CACNA1A: variants seen among roughly 807,000 people sequenced by gnomAD.
CACNA1A encodes the protein voltage-dependent P/Q-type calcium channel subunit alpha-1A.
Under a neutral mutation model 262.4 loss-of-function variants are expected in CACNA1A, and 57 were observed. The observed-to-expected ratio is 0.22, with a 90% CI of 0.18 to 0.27. The LOEUF (loss-of-function observed/expected upper bound fraction) is 0.27, where lower values mean the gene tolerates loss of function less well. Ranked by LOEUF, CACNA1A falls within the 10% of genes least tolerant of loss-of-function variation. CACNA1A has a pLI of 1.00. For missense variants in CACNA1A, 2,526 were observed against 3,562.8 expected (o/e 0.71, Z 7.41); for synonymous variants, 1,431 against 1,419.3 (o/e 1.01, Z -0.18).
intron 30 of CACNA1A, among the ~76,000 whole-genome samples, chr19:13,246,079 G>A (rs1411277014): frequency 6.6e-6 from 1 of 152,242 alleles, no homozygotes; most frequent in African/African-American, 2.4e-5. Flanking sequence ...CACAGTCTGT[G>A]TTCAGGTCCC....
rs1262968195 is a variant in CACNA1A, at chr19:13,234,365, A to G, written c.5249+556T>C. ...ACTCCATCTCCAAAAAAAAAAAAAA[A>G]AAAAAAAAAAGCCCCCCCAAAAAAC... On this transcript the variant is annotated intron_variant, in intron 34 of 46. Transcript: ENST00000360228. Among the ~76,000 whole-genome samples, 236 of 143,236 alleles carry G rather than the reference A, an allele frequency of 1.6e-3. 2 individuals are homozygous for G. Among genetic ancestry groups the G allele is most frequent in the African/African-American group, 5.5e-3 (212 of 38,750 alleles). 94.0% of individuals were successfully genotyped at this position (143,236 alleles called of 152,430 possible).
Position 13,214,118 on chromosome 19 carries a change from A to G in CACNA1A, c.5940+115T>C, listed in dbSNP as rs999583665. The stretch of plus-strand genomic sequence containing the variant: ...GTGTGAGCTGCTGTGCACAGCCCCT[A>G]CTTTTCAGGGACCTGCCCTGGGGCT... On this transcript the variant is annotated intron_variant, in intron 40 of 46. Transcript: ENST00000360228. This position sits in a 1 kb window ranked among gnomAD's most constrained non-coding sequence, Gnocchi z 4.1. 2 of 782,740 alleles carry G rather than the reference A, an allele frequency of 2.6e-6. No homozygotes were observed. The highest frequency in any genetic ancestry group is 2.3e-4 in the Middle Eastern group (1 of 4,262). 48.5% of individuals were successfully genotyped at this position (782,740 alleles called of 1,614,324 possible).
At chr19:13,341,901 C>T (rs1450942243) in intron 6 of CACNA1A, among the ~76,000 whole-genome samples, 1 of 152,122 alleles carries the variant, frequency 6.6e-6, no homozygotes, top group African/African-American at 2.4e-5. Flanking sequence ...GTATTCCCAG[C>T]CCCCTAGGAC....
rs74400041 is a variant in CACNA1A, at chr19:13,496,479, G to C, written c.293+9453C>G. On this transcript the variant is annotated intron_variant, in intron 1 of 46. Coordinates refer to ENST00000360228, the MANE Select transcript of CACNA1A (RefSeq NM_001127222.2). ...CATAACAAATGAGAGAAAAAGATTA[G>C]AAACATGGAAGAAGGATTGCTGAGA... 3.1e-4 allele frequency among the ~76,000 whole-genome samples: 47 copies of C among 152,262 alleles called. No homozygotes were observed. In the East Asian group the frequency reaches 7.5e-3, roughly 24 times the overall value.
intron 3 of CACNA1A, among the ~76,000 whole-genome samples, chr19:13,422,199 T>A (rs1258808023): frequency 6.6e-6 from 1 of 152,152 alleles, no homozygotes; most frequent in East Asian, 1.9e-4. Flanking sequence ...CATGCACCTG[T>A]GGGCTCAGCT....
intron 1 of CACNA1A, among the ~76,000 whole-genome samples, chr19:13,492,074 G>C (rs565696871): frequency 6.6e-6 from 1 of 152,246 alleles, no homozygotes; most frequent in South Asian, 2.1e-4. Context: ...GGGGCTAAGT[G>C]ATTTGCCTAA....
At chr19:13,228,632 T>C in intron 36 of CACNA1A, 1 of 435,512 alleles carries the variant, frequency 2.3e-6, no homozygotes. Flanking sequence ...ATATGAAATA[T>C]ATATATTGAA....
chr19:13,380,732 GGTTTGTTT>G (rs576457560), intron 3 of CACNA1A, among the ~76,000 whole-genome samples: 52 of 136,854 alleles, frequency 3.8e-4, no homozygotes, highest in African/African-American at 7.1e-4. Flanking sequence ...TTCATTTATT[GGTTTGTTT>G]GTTTGTTTGT....
chr19:13,486,925 CCT>C lies in CACNA1A; in HGVS notation c.293+19005_293+19006del, dbSNP rs539676601. Among the ~76,000 whole-genome samples, 237 of 152,246 alleles carry C rather than the reference CCT, an allele frequency of 1.6e-3. 1 individual carries two copies. Among genetic ancestry groups the C allele is most frequent in the African/African-American group, 5.4e-3 (226 of 41,536 alleles). ...TCTTCCTTCTTCCCTACACACGCAG[CCT>C]CTCTTTCTTTTAACACTTATTTATC... On this transcript the variant is annotated intron_variant, in intron 1 of 46. Transcript: ENST00000360228.
chr19:13,397,037 A>G (rs2059822811), intron 3 of CACNA1A, among the ~76,000 whole-genome samples: 1 of 152,032 alleles, frequency 6.6e-6, no homozygotes, highest in Non-Finnish European at 1.5e-5. Context: ...ACCTGTTCCT[A>G]TCTCTTTAAG....
chr19:13,327,556 A>C (rs1252709963), intron 10 of CACNA1A, among the ~76,000 whole-genome samples: 2 of 150,638 alleles, frequency 1.3e-5, no homozygotes, highest in African/African-American at 4.9e-5. Context: ...AAAAATATAT[A>C]TACATATATA....
intron 19 of CACNA1A, among the ~76,000 whole-genome samples, chr19:13,291,933 C>T (rs1246141685): frequency 6.6e-6 from 1 of 152,126 alleles, no homozygotes; most frequent in Admixed American, 6.6e-5. Context: ...TCTTCCTGTT[C>T]CTTTTGGGGA....
intron 3 of CACNA1A, among the ~76,000 whole-genome samples, chr19:13,434,422 GTGTC>G (rs1471444817): frequency 1.3e-5 from 2 of 152,174 alleles, no homozygotes; most frequent in African/African-American, 4.8e-5. Context: ...CTTTGGATCT[GTGTC>G]TGTCCGCAAC....
chr19:13,250,870 G>A (rs1392980983), intron 30 of CACNA1A, among the ~76,000 whole-genome samples: 1 of 152,122 alleles, frequency 6.6e-6, no homozygotes, highest in African/African-American at 2.4e-5. Flanking sequence ...AGTGTCTCAT[G>A]CCTGTAATCC....
At position 13,310,108 on chromosome 19, in the gene CACNA1A, G is replaced by A. The variant is rs182797232; in HGVS notation, c.1669-1580C>T. Among the ~76,000 whole-genome samples the A allele has an allele frequency of 2.4e-3, 358 of 152,086 alleles. 1 individual carries two copies. The highest frequency in any genetic ancestry group is 8.3e-3 in the African/African-American group (345 of 41,488). ...TTGTGTTTGGTTTCTTTTACCGAGC[G>A]TTGTGTTTTCAAGGTCCTCGCCTTT... is the stretch of plus-strand genomic sequence containing the variant. On this transcript the variant is annotated intron_variant, in intron 12 of 46. Transcript: ENST00000360228.
At chr19:13,318,376 G>A (rs2058171778) in intron 10 of CACNA1A, among the ~76,000 whole-genome samples, 1 of 152,166 alleles carries the variant, frequency 6.6e-6, no homozygotes, top group East Asian at 1.9e-4. Flanking sequence ...AAAAGAGGAA[G>A]GTGGTGAAGG....
chr19:13,297,769 C>T, intron 19 of CACNA1A, among the ~76,000 whole-genome samples: 1 of 151,784 alleles, frequency 6.6e-6, no homozygotes, highest in East Asian at 1.9e-4. Context: ...GCTATGACTG[C>T]CACTGCACTC....
At chr19:13,502,487 C>G (rs909274467) in intron 1 of CACNA1A, among the ~76,000 whole-genome samples, 1 of 152,124 alleles carries the variant, frequency 6.6e-6, no homozygotes, top group Non-Finnish European at 1.5e-5. Flanking sequence ...TCTAGGAAGG[C>G]TGACAGATGC....
intron 3 of CACNA1A, among the ~76,000 whole-genome samples, chr19:13,386,250 C>T (rs889161739): frequency 6.6e-6 from 1 of 152,098 alleles, no homozygotes; most frequent in Non-Finnish European, 1.5e-5. Context: ...CACCTCCCAT[C>T]AAAGAGGCAG....
Sources: gnomAD v4.1 joint callset for allele counts (sites outside exome capture counted in the v4.1 genomes callset) on GRCh38, gnomAD v4.1.1 for gene constraint, Gnocchi (gnomAD v3.1) non-coding constraint, MANE v1.5 for transcripts, NCBI Gene and HGNC (gene_info 2026-07-23, HGNC 2026-07-21) for gene names.